The following ZFPM2 variants were observed in gnomAD, a reference collection of about 807,000 sequenced individuals.
ZFPM2 encodes zinc finger protein, FOG family member 2.
Under a neutral mutation model 98.6 loss-of-function variants are expected in ZFPM2, and 20 were observed. The ratio of observed to expected loss-of-function variants is 0.20; its 90% CI spans 0.14 to 0.29. ZFPM2 has a LOEUF of 0.29. ZFPM2 is among the 10% of genes least tolerant of loss of function. ZFPM2 has a pLI of 1.00. For synonymous variants in ZFPM2, 518 were observed against 502.7 expected, an observed-to-expected ratio of 1.03 and a Z score of -0.41; for missense variants, 1,310 against 1,388.6, an observed-to-expected ratio of 0.94 and a Z score of 0.90.
chr8:105,490,314 A>G (rs1813333335), intron 3 of ZFPM2, among the ~76,000 whole-genome samples: 1 of 152,218 alleles, frequency 6.6e-6, no homozygotes, highest in African/African-American at 2.4e-5. Context: ...TATTCATTTG[A>G]GTTTATTTCT....
intron 4 of ZFPM2, among the ~76,000 whole-genome samples, chr8:105,621,973 T>A (rs1816561084): frequency 6.6e-6 from 1 of 152,046 alleles, no homozygotes; most frequent in Non-Finnish European, 1.5e-5. Context: ...CCCTGTAAAA[T>A]GATTATTTTA....
chr8:105,756,374 C>T (rs1337942068), intron 5 of ZFPM2, among the ~76,000 whole-genome samples: 1 of 152,184 alleles, frequency 6.6e-6, no homozygotes, highest in Non-Finnish European at 1.5e-5. Flanking sequence ...CACACCAACA[C>T]GAAGCACTTG....
intron 5 of ZFPM2, among the ~76,000 whole-genome samples, chr8:105,765,870 T>C (rs1408287806): frequency 3.3e-5 from 5 of 151,910 alleles, no homozygotes; most frequent in African/African-American, 1.2e-4. Flanking sequence ...TTTTGGCAAA[T>C]ATTTTTGTCC....
intron 5 of ZFPM2, among the ~76,000 whole-genome samples, chr8:105,730,353 A>T (rs1371679953): frequency 1.3e-5 from 2 of 151,774 alleles, no homozygotes; most frequent in Non-Finnish European, 2.9e-5. Flanking sequence ...CTATTGGACT[A>T]TTTAATTCCA....
chr8:105,517,153 A>C (rs182590411), intron 3 of ZFPM2, among the ~76,000 whole-genome samples: 1 of 152,350 alleles, frequency 6.6e-6, no homozygotes, highest in East Asian at 1.9e-4. Flanking sequence ...GCTTGTTCCG[A>C]TATTTTCAGT....
chr8:105,576,467 C>G lies in ZFPM2; in HGVS notation c.420+14986C>G, dbSNP rs73697392. 2.2e-3 allele frequency among the ~76,000 whole-genome samples: 328 copies of G among 152,184 alleles called. 2 individuals carry two copies. Among genetic ancestry groups the G allele is most frequent in the African/African-American group, 7.4e-3 (306 of 41,510 alleles). On this transcript the variant is annotated intron_variant, in intron 4 of 7. Coordinates refer to ENST00000407775, the MANE Select transcript of ZFPM2 (RefSeq NM_012082.4). ...GATGTTTGCTCCCCACTGCTGAGACCTGATTGGTAGAGGGCAACTCCACCT... is the reference window on the plus strand; with the variant it reads ...GATGTTTGCTCCCCACTGCTGAGACGTGATTGGTAGAGGGCAACTCCACCT...
chr8:105,655,049 G>A (rs1817255914), intron 5 of ZFPM2, among the ~76,000 whole-genome samples: 1 of 151,986 alleles, frequency 6.6e-6, no homozygotes, highest in South Asian at 2.1e-4. Context: ...ACATAGTAAT[G>A]ATAAATAAAA....
rs554948117 is a variant in ZFPM2 at position 105,326,861 on chromosome 8, TAA to T, written c.40+7883_40+7884del. ...CAACTCATAAATATATATATATATA[TAA>T]AATAAGCTATACATAGACTATCACA... On this transcript the variant is annotated intron_variant, in intron 1 of 7. Coordinates refer to ENST00000407775, the MANE Select transcript of ZFPM2 (RefSeq NM_012082.4). Among the ~76,000 whole-genome samples the T allele has an allele frequency of 5.4e-3, 817 of 149,934 alleles. 4 individuals carry two copies. The highest frequency in any genetic ancestry group is 0.019 in the African/African-American group (772 of 40,806).
At chr8:105,373,796 G>A (rs765901985) in intron 1 of ZFPM2, among the ~76,000 whole-genome samples, 26 of 152,050 alleles carry the variant, frequency 1.7e-4, no homozygotes, top group Non-Finnish European at 3.2e-4. Flanking sequence ...AAAGGAAAAC[G>A]CTGTCCCTCT....
intron 3 of ZFPM2, among the ~76,000 whole-genome samples, chr8:105,466,062 A>G (rs1208081357): frequency 2.0e-5 from 3 of 152,132 alleles, no homozygotes; most frequent in Admixed American, 1.3e-4. Context: ...ATTAAAGACA[A>G]TGCCTCATTA....
intron 4 of ZFPM2, among the ~76,000 whole-genome samples, chr8:105,609,924 C>G (rs542889121): frequency 5.0e-4 from 76 of 152,118 alleles, no homozygotes; most frequent in Non-Finnish European, 9.4e-4. Context: ...CATGTGCCCT[C>G]TGTTTTAATG....
intron 3 of ZFPM2, among the ~76,000 whole-genome samples, chr8:105,499,146 C>T (rs79315767): frequency 0.013 from 1,901 of 152,064 alleles, 46 homozygotes; most frequent in African/African-American, 0.042. Context: ...CCCTTCCCTC[C>T]TGCCCTGACA....
chr8:105,776,501 GT>G (rs1813108966), intron 5 of ZFPM2, among the ~76,000 whole-genome samples: 1 of 152,156 alleles, frequency 6.6e-6, no homozygotes, highest in Admixed American at 6.5e-5. Context: ...ACATTTACTA[GT>G]TTTTTACATT....
intron 5 of ZFPM2, among the ~76,000 whole-genome samples, chr8:105,735,956 C>A (rs1424561016): frequency 6.6e-6 from 1 of 151,920 alleles, no homozygotes; most frequent in African/African-American, 2.4e-5. Context: ...CGGCTATAAA[C>A]CCCTGGAAAG....
At chr8:105,562,157 A>C (rs1174636161) in intron 4 of ZFPM2, among the ~76,000 whole-genome samples, 1 of 152,002 alleles carries the variant, frequency 6.6e-6, no homozygotes, top group Non-Finnish European at 1.5e-5. Flanking sequence ...AATACAAAAA[A>C]AAATTAGCCA....
At chr8:105,321,979 C>CA (rs1812034010) in intron 1 of ZFPM2, among the ~76,000 whole-genome samples, 1 of 152,148 alleles carries the variant, frequency 6.6e-6, no homozygotes, top group African/African-American at 2.4e-5. Flanking sequence ...ATTTTGCCCC[C>CA]ATGTTTTGTC....
rs1369332498 is a variant in ZFPM2 at position 105,580,015 on chromosome 8, C to T, written c.420+18534C>T. Among the ~76,000 whole-genome samples the T allele has an allele frequency of 3.3e-5, 5 of 152,284 alleles. No homozygotes were observed. In the East Asian group the frequency reaches 9.7e-4, roughly 29 times the overall value. ...CTCCCTATCTCTTCATCTGGTGTTA[C>T]ACACAGATGTAAAATAGTTCTCTAG... On this transcript the variant is annotated intron_variant, in intron 4 of 7. Coordinates refer to ENST00000407775, the MANE Select transcript of ZFPM2 (RefSeq NM_012082.4).
chr8:105,451,298 A>G (rs899604044), intron 3 of ZFPM2, among the ~76,000 whole-genome samples: 2 of 152,190 alleles, frequency 1.3e-5, no homozygotes, highest in Admixed American at 6.5e-5. Flanking sequence ...GTCAAATTTT[A>G]TAATTATCTT....
intron 5 of ZFPM2, among the ~76,000 whole-genome samples, chr8:105,734,985 T>A (rs1812034029): frequency 6.6e-6 from 1 of 150,506 alleles, no homozygotes; most frequent in South Asian, 2.1e-4. Flanking sequence ...ATTACAAATT[T>A]ATATATACTT....
Sources: gnomAD v4.1 joint callset for allele counts (sites outside exome capture counted in the v4.1 genomes callset) on GRCh38, gnomAD v4.1.1 for gene constraint, MANE v1.5 for transcripts, NCBI Gene and HGNC (gene_info 2026-07-23, HGNC 2026-07-21) for gene names.